Variants in CNTNAP2 observed in about 807,000 individuals in gnomAD.
CNTNAP2 encodes the protein contactin associated protein 2.
A neutral mutation model predicts 155.2 loss-of-function variants in CNTNAP2; 98 were observed. The ratio of observed to expected loss-of-function variants is 0.63; its 90% CI spans 0.54 to 0.75. The LOEUF (loss-of-function observed/expected upper bound fraction) is 0.75. Ranked by LOEUF, CNTNAP2 falls within the 30% of genes least tolerant of loss-of-function variation. CNTNAP2 has a pLI of 0.00. For missense variants in CNTNAP2, 1,727 were observed against 1,688.1 expected, an observed-to-expected ratio of 1.02 and a Z score of -0.40; for synonymous variants, 651 against 631.2, an observed-to-expected ratio of 1.03 and a Z score of -0.47.
chr7:148,364,045 A>G (rs1211878080), intron 21 of CNTNAP2, among the ~76,000 whole-genome samples: 14 of 152,158 alleles, frequency 9.2e-5, no homozygotes, highest in Middle Eastern at 3.4e-3. Flanking sequence ...CTGCCTTCCC[A>G]TGGGGCAGGG....
chr7:147,681,846 A>G (rs1795951552), intron 13 of CNTNAP2, among the ~76,000 whole-genome samples: 1 of 151,948 alleles, frequency 6.6e-6, no homozygotes, highest in Non-Finnish European at 1.5e-5. Flanking sequence ...TACAGAAAAC[A>G]TGGCATATAT....
At chr7:146,529,965 A>AAACAACAACAAC (rs59533423) in intron 1 of CNTNAP2, among the ~76,000 whole-genome samples, 2,417 of 150,624 alleles carry the variant, frequency 0.016, 64 homozygotes, top group African/African-American at 0.054. Flanking sequence ...CTCCGTCTCA[A>AAACAACAACAAC]AACAACAACA....
chr7:148,137,699 AGG>A (rs1563211744), intron 16 of CNTNAP2, among the ~76,000 whole-genome samples: 11 of 144,348 alleles, frequency 7.6e-5, no homozygotes, highest in African/African-American at 2.8e-4. Context: ...GAAGGAAGGA[AGG>A]AAGGAAGGAA....
chr7:146,596,191 C>G (rs1400564514), intron 1 of CNTNAP2, among the ~76,000 whole-genome samples: 1 of 151,880 alleles, frequency 6.6e-6, no homozygotes, highest in Non-Finnish European at 1.5e-5. Context: ...GATTTTCAGT[C>G]ACTGTTACAT....
rs187996974 is a variant in CNTNAP2, at chr7:147,694,291, A to G, written c.2098+54985A>G. On this transcript the variant is annotated intron_variant, in intron 13 of 23. Coordinates refer to ENST00000361727, the MANE Select transcript of CNTNAP2 (RefSeq NM_014141.6). ...GTTGAGGATTTTTACATCTATATTC[A>G]TGAGAGATAATGATCTGTAGTTTTC... Among the ~76,000 whole-genome samples the G allele has an allele frequency of 6.3e-3, 952 of 152,210 alleles. 10 individuals are homozygous for G. The highest frequency in any genetic ancestry group is 8.8e-3 in the Non-Finnish European group (601 of 67,946).
chr7:146,191,611 C>A (rs1562984171), intron 1 of CNTNAP2, among the ~76,000 whole-genome samples: 1 of 152,122 alleles, frequency 6.6e-6, no homozygotes, highest in East Asian at 1.9e-4. Flanking sequence ...ACCGTATCAA[C>A]CGTATAAGAC....
At chr7:147,928,384 A>G (rs75926847) in intron 14 of CNTNAP2, among the ~76,000 whole-genome samples, 2,060 of 152,308 alleles carry the variant, frequency 0.014, 55 homozygotes, top group African/African-American at 0.045. Flanking sequence ...TACCTCCTTC[A>G]CAAAGCTATA....
chr7:146,695,411 AAATT>A (rs916448853), intron 1 of CNTNAP2, among the ~76,000 whole-genome samples: 9 of 151,520 alleles, frequency 5.9e-5, no homozygotes, highest in African/African-American at 1.7e-4. Context: ...ATTGATTTTT[AAATT>A]AATTAATTAT....
intron 20 of CNTNAP2, among the ~76,000 whole-genome samples, chr7:148,260,715 C>T (rs1796542644): frequency 1.3e-5 from 2 of 152,198 alleles, no homozygotes; most frequent in Non-Finnish European, 2.9e-5. Flanking sequence ...GGGACAACCT[C>T]GGTGGGTGTC....
chr7:147,010,950 G>A (rs1798611995), intron 3 of CNTNAP2, among the ~76,000 whole-genome samples: 1 of 152,040 alleles, frequency 6.6e-6, no homozygotes, highest in Non-Finnish European at 1.5e-5. Context: ...AAGCTGGCAT[G>A]TTATCAAAGT....
intron 1 of CNTNAP2, among the ~76,000 whole-genome samples, chr7:146,328,523 G>GTGTGTGTC (rs1285994465): frequency 8.6e-5 from 13 of 151,672 alleles, no homozygotes; most frequent in African/African-American, 3.2e-4. Flanking sequence ...ACCTGTGTGT[G>GTGTGTGTC]TGTGTGTGTG....
chr7:146,455,814 G>A (rs1268493483), intron 1 of CNTNAP2, among the ~76,000 whole-genome samples: 1 of 152,082 alleles, frequency 6.6e-6, no homozygotes, highest in East Asian at 1.9e-4. Flanking sequence ...AGAAATTAGT[G>A]GTCAGTTGGT....
At chr7:148,358,088 G>A (rs1798549382) in intron 21 of CNTNAP2, among the ~76,000 whole-genome samples, 1 of 152,126 alleles carries the variant, frequency 6.6e-6, no homozygotes, top group Non-Finnish European at 1.5e-5. Flanking sequence ...CTACACTGGA[G>A]AGGCCAAAAG....
chr7:147,986,452 G>A (rs368848891), intron 15 of CNTNAP2, among the ~76,000 whole-genome samples: 27 of 151,962 alleles, frequency 1.8e-4, no homozygotes, highest in South Asian at 1.7e-3. Flanking sequence ...TTTGCCTCAC[G>A]TATAGCTCAA....
intron 8 of CNTNAP2, among the ~76,000 whole-genome samples, chr7:147,140,971 T>A (rs1418968921): frequency 6.6e-6 from 1 of 152,136 alleles, no homozygotes; most frequent in Non-Finnish European, 1.5e-5. Context: ...TATCTACTGC[T>A]AAGATTATGA....
rs140779372 is a variant in CNTNAP2 at position 146,708,945 on chromosome 7, T to C, written c.98-65326T>C. On this transcript the variant is annotated intron_variant, in intron 1 of 23. Coordinates refer to ENST00000361727, the MANE Select transcript of CNTNAP2 (RefSeq NM_014141.6). Reference sequence around the variant, plus strand: ...GGTCAATTTATGTATGTTTGAGATATAAATTATAATTCAGAAGTATGAAGG... The same window carrying C: ...GGTCAATTTATGTATGTTTGAGATACAAATTATAATTCAGAAGTATGAAGG... Among the ~76,000 whole-genome samples the C allele has an allele frequency of 8.6e-3, 1,315 of 152,224 alleles. 5 individuals are homozygous for C. Among genetic ancestry groups the C allele is most frequent in the Non-Finnish European group, 0.012 (845 of 67,994 alleles).
At chr7:147,046,825 C>G (rs1003166379) in intron 4 of CNTNAP2, among the ~76,000 whole-genome samples, 5 of 151,828 alleles carry the variant, frequency 3.3e-5, no homozygotes, top group Admixed American at 1.3e-4. Context: ...GTCAGGAGAT[C>G]GAGACCATCC....
chr7:147,544,579 A>T (rs1460758734), intron 11 of CNTNAP2, among the ~76,000 whole-genome samples: 2 of 151,966 alleles, frequency 1.3e-5, no homozygotes, highest in African/African-American at 4.8e-5. Context: ...CCACAGCATG[A>T]CTTTCATGGG....
intron 3 of CNTNAP2, among the ~76,000 whole-genome samples, chr7:146,854,994 A>G (rs952704979): frequency 2.0e-5 from 3 of 152,204 alleles, no homozygotes; most frequent in African/African-American, 7.2e-5. Context: ...CATGTCTATA[A>G]TATCTACCAA....
Sources: gnomAD v4.1 joint callset for allele counts (sites outside exome capture counted in the v4.1 genomes callset) on GRCh38, gnomAD v4.1.1 for gene constraint, MANE v1.5 for transcripts, NCBI Gene and HGNC (gene_info 2026-07-23, HGNC 2026-07-21) for gene names.